The following FAM222A variants were observed in gnomAD, a reference collection of about 807,000 sequenced individuals.
FAM222A encodes protein FAM222A.
Under a neutral mutation model 25.8 loss-of-function variants are expected in FAM222A, and 7 were observed. That is an observed-to-expected ratio of 0.27 (90% confidence interval 0.15 to 0.51). FAM222A has a LOEUF of 0.51. Among genes scored for constraint, FAM222A ranks in the 20% least tolerant of loss-of-function variants. The probability of loss-of-function intolerance (pLI) is 0.97; values close to 1 mark genes in which losing one functional copy is unlikely to be tolerated. For missense variants in FAM222A, 573 were observed against 640.5 expected (o/e 0.89, Z 1.14); for synonymous variants, 294 against 298.8 (o/e 0.98, Z 0.17).
chr12:109,714,253 C>A lies in FAM222A; in HGVS notation c.-691C>A. On this transcript the variant is annotated 5_prime_UTR_variant, in exon 1 of 3. Coordinates refer to ENST00000538780, the MANE Select transcript of FAM222A (RefSeq NM_032829.3). The surrounding 1 kb of genome is among the most constrained non-coding windows in gnomAD (Gnocchi z 4.2). The stretch of plus-strand genomic sequence containing the variant: ...CGCTGTTCGCCGGCTTCCCCTCCCC[C>A]CACACCCGGGGCTCAGAGCAGGAGG... The A allele has an allele frequency of 5.2e-6, 1 of 192,956 alleles. No individual in the cohort carries two copies. The highest frequency in any genetic ancestry group is 1.7e-4 in the East Asian group (1 of 5,948). 12.0% of individuals were successfully genotyped at this position (192,956 alleles called of 1,614,324 possible).
intron 1 of FAM222A, among the ~76,000 whole-genome samples, chr12:109,729,684 G>C (rs1887907925): frequency 1.3e-5 from 2 of 152,276 alleles, no homozygotes; most frequent in Admixed American, 1.3e-4. Flanking sequence ...CAGCAAGGCT[G>C]GGAGACGGCG....
At chr12:109,734,697 C>T (rs1888038948) in intron 1 of FAM222A, 4 of 152,096 alleles carry the variant, frequency 2.6e-5, no homozygotes, top group Admixed American at 2.6e-4. Context: ...AAGGAAAATT[C>T]CCCAGTTAAC....
chr12:109,766,246 C>T (rs1006992467), intron 2 of FAM222A, among the ~76,000 whole-genome samples: 5 of 152,226 alleles, frequency 3.3e-5, no homozygotes, highest in African/African-American at 9.6e-5. Context: ...ACTCTCCATA[C>T]CCCCTCAGCC....
Position 109,744,102 on chromosome 12 carries a change from G to T in FAM222A, c.-45G>T. On this transcript the variant is annotated splice_region_variant and 5_prime_UTR_variant, in exon 2 of 3. Transcript: ENST00000538780. The stretch of plus-strand genomic sequence containing the variant: ...GAGCACCCCATCTTCCTCCTGCAGG[G>T]ACCCAGTCGCAGAGCGCACCCCACT... 6.2e-7 allele frequency: 1 copy of T among 1,601,038 alleles called. No individual in the cohort carries two copies.
chr12:109,756,572 G>A (rs1740655069), intron 2 of FAM222A, among the ~76,000 whole-genome samples: 1 of 152,092 alleles, frequency 6.6e-6, no homozygotes, highest in Non-Finnish European at 1.5e-5. Flanking sequence ...TATCATGAGG[G>A]ATATTGATTT....
chr12:109,751,740 T>C (rs1888564227), intron 2 of FAM222A, among the ~76,000 whole-genome samples: 1 of 152,242 alleles, frequency 6.6e-6, no homozygotes, highest in Non-Finnish European at 1.5e-5. Flanking sequence ...TTTCACTGCT[T>C]CAAATAAGGG....
chr12:109,744,012 G>C, intron 1 of FAM222A, 89 bp from the exon 2 acceptor site: 4 of 1,433,182 alleles, frequency 2.8e-6, no homozygotes, highest in Middle Eastern at 2.6e-4. Context: ...GATGTTCTTC[G>C]GGGTTGCAGG....
At chr12:109,738,088 AGAG>A (rs911509052) in intron 1 of FAM222A, among the ~76,000 whole-genome samples, 2 of 152,202 alleles carry the variant, frequency 1.3e-5, no homozygotes, top group African/African-American at 2.4e-5. Flanking sequence ...GGATGTAGAC[AGAG>A]GAGAGGAAAG....
chr12:109,766,213 C>T (rs1889046028), intron 2 of FAM222A, among the ~76,000 whole-genome samples: 1 of 152,226 alleles, frequency 6.6e-6, no homozygotes, highest in South Asian at 2.1e-4. Context: ...ATTCCATCTG[C>T]CTCATGGAAC....
At chr12:109,755,974 C>G (rs1310674747) in intron 2 of FAM222A, among the ~76,000 whole-genome samples, 1 of 152,214 alleles carries the variant, frequency 6.6e-6, no homozygotes, top group Non-Finnish European at 1.5e-5. Context: ...AGTTTAGTCT[C>G]AGCTTGTCAA....
At chr12:109,722,608 G>T (rs1887764700) in intron 1 of FAM222A, 1 of 152,304 alleles carries the variant, frequency 6.6e-6, no homozygotes, top group South Asian at 2.1e-4. Flanking sequence ...GGCAGTGACG[G>T]GCAGGAGAAG....
Position 109,714,885 on chromosome 12 carries a change from C to G in FAM222A, c.-59C>G, listed in dbSNP as rs1322410005. On this transcript the variant is annotated 5_prime_UTR_variant, in exon 1 of 3. Coordinates refer to ENST00000538780, the MANE Select transcript of FAM222A (RefSeq NM_032829.3). The surrounding 1 kb of genome is among the most constrained non-coding windows in gnomAD (Gnocchi z 4.2). The stretch of plus-strand genomic sequence containing the variant: ...GCTGAGACCTGGTGCCCTTCGACGG[C>G]CTGGCTGATCCGGTGAGTTGTGCGG... The G allele has an allele frequency of 6.5e-6, 1 of 152,698 alleles. No homozygotes were observed. The highest frequency in any genetic ancestry group is 1.5e-5 in the Non-Finnish European group (1 of 68,512). The allele number at this position is 152,698 out of a possible 1,614,324, so 9.5% of individuals were successfully genotyped here. A position where few individuals can be genotyped will look rare whatever the true frequency, so the allele number is the denominator to read the frequency against.
intron 1 of FAM222A, among the ~76,000 whole-genome samples, chr12:109,723,917 C>T (rs1318286549): frequency 1.3e-5 from 2 of 151,968 alleles, no homozygotes; most frequent in Admixed American, 1.3e-4. Context: ...CCCATCTGTG[C>T]CACCATATGC....
At chr12:109,756,358 C>T (rs1268330620) in intron 2 of FAM222A, among the ~76,000 whole-genome samples, 1 of 146,646 alleles carries the variant, frequency 6.8e-6, no homozygotes, top group Non-Finnish European at 1.5e-5. Context: ...TCATCTGTGA[C>T]TAGAGATGGT....
rs1889173654 is a variant in FAM222A, at chr12:109,769,302, G to T, written c.*14G>T. The T allele has an allele frequency of 4.4e-6, 7 of 1,594,526 alleles. No individual in the cohort carries two copies. Among genetic ancestry groups the T allele is most frequent in the Non-Finnish European group, 6.0e-6 (7 of 1,170,928 alleles). ...GTCTACAGATAAGGCCTGCCCTGCG[G>T]ACATACGGACATGCGGACAGGGCGC... On this transcript the variant is annotated 3_prime_UTR_variant, in exon 3 of 3. Transcript: ENST00000538780.
chr12:109,733,297 G>C (rs956368280), intron 1 of FAM222A, among the ~76,000 whole-genome samples: 2 of 152,138 alleles, frequency 1.3e-5, no homozygotes, highest in Non-Finnish European at 2.9e-5. Context: ...ATTACACATT[G>C]AAGTGATACT....
intron 2 of FAM222A, among the ~76,000 whole-genome samples, chr12:109,755,910 C>T (rs899555808): frequency 6.6e-6 from 1 of 152,202 alleles, no homozygotes; most frequent in Non-Finnish European, 1.5e-5. Context: ...AGTGTAAATC[C>T]TCCAACTTTG....
intron 2 of FAM222A, among the ~76,000 whole-genome samples, chr12:109,757,735 A>T (rs1227757285): frequency 7.1e-6 from 1 of 139,890 alleles, no homozygotes; most frequent in East Asian, 2.5e-4. Flanking sequence ...AAAGACAATG[A>T]TGGGAACAGG....
Position 109,769,179 on chromosome 12 carries a change from G to A in FAM222A, c.1250G>A (p.Arg417Gln), listed in dbSNP as rs200835101. ...CTGGAGTATCTCATCAACGACATCC[G>A]GCCGCCCTGCATCAAGGAGCAGATG... Reference protein sequence around the residue: ...QSLEYLINDIRPPCIKEQMLG... With the variant: ...QSLEYLINDIQPPCIKEQMLG... The change falls in exon 3 of 3, where the codon CGG becomes CAG. Residue 417 changes from arginine (R) to glutamine (Q), a missense_variant. Transcript: ENST00000538780. 2.0e-5 allele frequency: 33 copies of A among 1,612,482 alleles called. No individual in the cohort carries two copies. Among genetic ancestry groups the A allele is most frequent in the South Asian group, 9.9e-5 (9 of 90,950 alleles).
Sources: allele counts gnomAD v4.1 joint callset (sites outside exome capture counted in the v4.1 genomes callset), GRCh38; gene constraint gnomAD v4.1.1; non-coding constraint Gnocchi (gnomAD v3.1); transcripts MANE v1.5; gene names NCBI Gene and HGNC (gene_info 2026-07-23, HGNC 2026-07-21).